Variants in ZSCAN5A observed in about 807,000 individuals in gnomAD.
The protein encoded by ZSCAN5A is zinc finger and SCAN domain-containing protein 5A.
A neutral mutation model predicts 23.7 loss-of-function variants in ZSCAN5A; 12 were observed. The ratio of observed to expected loss-of-function variants is 0.51; its 90% CI spans 0.32 to 0.82. ZSCAN5A has a LOEUF of 0.82. Ranked by LOEUF, ZSCAN5A falls within the 40% of genes least tolerant of loss-of-function variation. ZSCAN5A has a pLI of 0.03. For missense variants in ZSCAN5A, 597 were observed against 617.9 expected (o/e 0.97, Z 0.36); for synonymous variants, 257 against 239.9 (o/e 1.07, Z -0.66).
intron 2 of ZSCAN5A, among the ~76,000 whole-genome samples, chr19:56,253,025 C>G (rs2036458818): frequency 6.6e-6 from 1 of 152,236 alleles, no homozygotes; most frequent in Admixed American, 6.5e-5. Context: ...ACTGCGCTCC[C>G]TGCAAAGTTG....
chr19:56,233,297 G>A (rs914164480), intron 2 of ZSCAN5A, among the ~76,000 whole-genome samples: 1 of 152,160 alleles, frequency 6.6e-6, no homozygotes, highest in Admixed American at 6.5e-5. Context: ...GAGAAAGTCA[G>A]GTCATGGCAT....
At position 56,281,715 on chromosome 19, in the gene ZSCAN5A, TC is replaced by T. The variant is rs945394168; in HGVS notation, c.-128+31567del. 2.2e-4 allele frequency: 215 copies of T among 985,198 alleles called. 1 individual carries two copies. The Middle Eastern group carries it at 8.9e-3, about 41-fold the overall frequency. 61.0% of individuals were successfully genotyped at this position (985,198 alleles called of 1,614,324 possible). A position where few individuals can be genotyped will look rare whatever the true frequency, so the allele number is the denominator to read the frequency against. On this transcript the variant is annotated intron_variant, in intron 2 of 5. Coordinates refer to ENST00000683990, the MANE Select transcript of ZSCAN5A (RefSeq NM_001322064.3). ...CAGTCAACTGTAAGTCATATCTCCTTCTCCCTACATAAATGGGGAGCCCGCC... is the reference window on the plus strand; with the variant it reads ...CAGTCAACTGTAAGTCATATCTCCTTTCCCTACATAAATGGGGAGCCCGCC...
At chr19:56,263,236 G>T (rs1216254868) in intron 2 of ZSCAN5A, 1 of 152,170 alleles carries the variant, frequency 6.6e-6, no homozygotes, top group Non-Finnish European at 1.5e-5. Flanking sequence ...TTCCAGCTTT[G>T]GCCTACATGA....
intron 2 of ZSCAN5A, among the ~76,000 whole-genome samples, chr19:56,325,242 T>C (rs2041421987): frequency 6.6e-6 from 1 of 152,202 alleles, no homozygotes; most frequent in Admixed American, 6.5e-5. Flanking sequence ...GGGATAAAGG[T>C]TGTTTACCCT....
At chr19:56,277,533 G>A (rs924744175) in intron 2 of ZSCAN5A, among the ~76,000 whole-genome samples, 11 of 151,984 alleles carry the variant, frequency 7.2e-5, no homozygotes, top group African/African-American at 2.7e-4. Context: ...TCCAGGGGGT[G>A]AGGGGTGGGG....
Position 56,272,980 on chromosome 19 carries a change from T to C in ZSCAN5A, c.-128+40303A>G, listed in dbSNP as rs114495371. ...ATTTTCTTACAACTTGGGAGGCTCT[T>C]GTGGGCTGGATTCAGAGAGAAGCTC... On this transcript the variant is annotated intron_variant, in intron 2 of 5. Transcript: ENST00000683990. The C allele has an allele frequency of 1.3e-3, 970 of 741,522 alleles. 10 individuals carry two copies. The African/African-American group carries it at 0.017, about 13-fold the overall frequency. 45.9% of individuals were successfully genotyped at this position (741,522 alleles called of 1,614,324 possible). A position where few individuals can be genotyped will look rare whatever the true frequency, so the allele number is the denominator to read the frequency against.
At chr19:56,312,575 A>AG (rs1220366687) in intron 2 of ZSCAN5A, 2 of 152,288 alleles carry the variant, frequency 1.3e-5, no homozygotes, top group African/African-American at 4.8e-5. Flanking sequence ...AGGACGTTAG[A>AG]GAAAAAACTG....
intron 2 of ZSCAN5A, among the ~76,000 whole-genome samples, chr19:56,280,195 T>C (rs904912078): frequency 1.3e-5 from 2 of 152,234 alleles, no homozygotes; most frequent in Admixed American, 6.5e-5. Context: ...TTATACACAC[T>C]GTTCTGTATG....
At chr19:56,361,792 C>T (rs899118377) in intron 2 of ZSCAN5A, among the ~76,000 whole-genome samples, 3 of 152,014 alleles carry the variant, frequency 2.0e-5, no homozygotes, top group Admixed American at 2.0e-4. Context: ...ATAGGTGCAG[C>T]AAACCACCAT....
intron 1 of ZSCAN5A, among the ~76,000 whole-genome samples, chr19:56,364,602 G>A (rs1188906949): frequency 6.6e-6 from 1 of 152,144 alleles, no homozygotes; most frequent in East Asian, 1.9e-4. Flanking sequence ...TATTACAAGA[G>A]AAAGGAGTGC....
chr19:56,253,330 G>A (rs1185581812), intron 2 of ZSCAN5A, among the ~76,000 whole-genome samples: 1 of 151,896 alleles, frequency 6.6e-6, no homozygotes, highest in Non-Finnish European at 1.5e-5. Flanking sequence ...GGGCAGGGAG[G>A]AGGGGTGGAG....
At chr19:56,247,415 G>C in intron 2 of ZSCAN5A, 1 of 178,060 alleles carries the variant, frequency 5.6e-6, no homozygotes, top group Non-Finnish European at 1.2e-5. Context: ...AAGTGTCTAA[G>C]AGCCTTTCGT....
At chr19:56,293,027 A>G (rs2039621987) in intron 2 of ZSCAN5A, among the ~76,000 whole-genome samples, 1 of 152,140 alleles carries the variant, frequency 6.6e-6, no homozygotes, top group Admixed American at 6.5e-5. Context: ...TTTGGTCCAC[A>G]TTCAAAGCCA....
At chr19:56,257,272 A>C (rs1273956527) in intron 2 of ZSCAN5A, among the ~76,000 whole-genome samples, 1 of 152,194 alleles carries the variant, frequency 6.6e-6, no homozygotes, top group East Asian at 1.9e-4. Flanking sequence ...AGTGAGATTT[A>C]CACGTTAGAA....
chr19:56,283,084 A>G (rs1203824486), intron 2 of ZSCAN5A: 1 of 152,230 alleles, frequency 6.6e-6, no homozygotes, highest in Non-Finnish European at 1.5e-5. Context: ...GGGCAATCTT[A>G]GAGAAGTCAC....
intron 2 of ZSCAN5A, among the ~76,000 whole-genome samples, chr19:56,227,565 G>A (rs1357462715): frequency 6.6e-6 from 1 of 152,090 alleles, no homozygotes; most frequent in Non-Finnish European, 1.5e-5. Context: ...TTCATTCCCC[G>A]TTAAAGTAAG....
At chr19:56,331,944 A>T (rs1427438948) in intron 2 of ZSCAN5A, among the ~76,000 whole-genome samples, 1 of 152,106 alleles carries the variant, frequency 6.6e-6, no homozygotes, top group South Asian at 2.1e-4. Context: ...CCTAAAAGTC[A>T]TTCAGGAGCA....
At chr19:56,346,469 A>T (rs1007474196) in intron 2 of ZSCAN5A, among the ~76,000 whole-genome samples, 1 of 151,930 alleles carries the variant, frequency 6.6e-6, no homozygotes, top group Non-Finnish European at 1.5e-5. Context: ...AACTCCATAA[A>T]GGAGTTGCCT....
intron 2 of ZSCAN5A, 79 bp downstream of exon 2, chr19:56,313,204 T>C (rs1008642407): frequency 1.3e-5 from 4 of 299,774 alleles, no homozygotes; most frequent in Non-Finnish European, 2.6e-5. Context: ...ATGGAAGATG[T>C]ATTAGTCTGT....
Sources: gnomAD v4.1 joint callset for allele counts (sites outside exome capture counted in the v4.1 genomes callset) on GRCh38, gnomAD v4.1.1 for gene constraint, MANE v1.5 for transcripts, NCBI Gene and HGNC (gene_info 2026-07-23, HGNC 2026-07-21) for gene names.